The following CREBRF variants were observed in gnomAD, a reference collection of about 807,000 sequenced individuals.
CREBRF encodes the protein CREB3 regulatory factor, also known as UPF0474 protein C5orf41.
Under a neutral mutation model 66.1 loss-of-function variants are expected in CREBRF, and 5 were observed. The observed-to-expected ratio is 0.08, with a 90% CI of 0.04 to 0.16. The LOEUF is 0.16. Ranked by LOEUF, CREBRF falls within the 10% of genes least tolerant of loss-of-function variation. The pLI is 1.00. For synonymous variants in CREBRF, 229 were observed against 264.4 expected (o/e 0.87, Z 1.30); for missense variants, 531 against 744.9 (o/e 0.71, Z 3.34).
chr5:173,080,684 C>T lies in CREBRF; in HGVS notation c.-92C>T, dbSNP rs1023100117. The T allele has an allele frequency of 5.6e-5, 73 of 1,312,594 alleles. No homozygotes were observed. The Admixed American group carries it at 1.1e-3, about 19-fold the overall frequency. 81.3% of individuals were successfully genotyped at this position (1,312,594 alleles called of 1,614,324 possible). A position where few individuals can be genotyped will look rare whatever the true frequency, so the allele number is the denominator to read the frequency against. On this transcript the variant is annotated 5_prime_UTR_variant, in exon 2 of 9. Transcript: ENST00000296953. Reference sequence around the variant, plus strand: ...TGCTGTTTATTGTGGAAATCATCTTCGATCTTGGAATTGAAAGTAAAGCTG... The same window carrying T: ...TGCTGTTTATTGTGGAAATCATCTTTGATCTTGGAATTGAAAGTAAAGCTG...
chr5:173,100,078 T>TTGTGTGTGTATGTGTGTG (rs1554125223), intron 4 of CREBRF, among the ~76,000 whole-genome samples: 5 of 69,134 alleles, frequency 7.2e-5, no homozygotes, highest in African/African-American at 1.2e-4. Flanking sequence ...GGCTAATCTT[T>TTGTGTGTGTATGTGTGTG]TGTGTGTGTG....
At position 173,135,095 on chromosome 5, in the gene CREBRF, A is replaced by G. The variant is rs933121891; in HGVS notation, c.*1350A>G. 3.3e-5 allele frequency: 5 copies of G among 152,422 alleles called. No individual in the cohort carries two copies. Among genetic ancestry groups the G allele is most frequent in the African/African-American group, 1.2e-4 (5 of 41,454 alleles). 9.4% of individuals were successfully genotyped at this position (152,422 alleles called of 1,614,324 possible). ...TATGTATATATATATATGTAAAGAAAGAAAAAAGCTAAAAATATCTAATTC... is the reference window on the plus strand; with the variant it reads ...TATGTATATATATATATGTAAAGAAGGAAAAAAGCTAAAAATATCTAATTC... On this transcript the variant is annotated 3_prime_UTR_variant, in exon 9 of 9. Coordinates refer to ENST00000296953, the MANE Select transcript of CREBRF (RefSeq NM_153607.3).
chr5:173,123,053 T>C (rs994387555), intron 7 of CREBRF, 27 bp from the exon 8 acceptor site: 1 of 1,564,260 alleles, frequency 6.4e-7, no homozygotes, highest in Non-Finnish European at 8.6e-7. Context: ...TAGTGACATA[T>C]TCCAAGTGTT....
intron 8 of CREBRF, among the ~76,000 whole-genome samples, chr5:173,133,173 A>G (rs1759515407): frequency 6.6e-6 from 1 of 152,186 alleles, no homozygotes; most frequent in South Asian, 2.1e-4. Flanking sequence ...TGTATCCAGT[A>G]ATTATAAAAA....
At chr5:173,075,201 C>G (rs1431488492) in intron 1 of CREBRF, among the ~76,000 whole-genome samples, 2 of 152,162 alleles carry the variant, frequency 1.3e-5, no homozygotes, top group Non-Finnish European at 2.9e-5. Flanking sequence ...ATAATCATGA[C>G]AAACTATAAT....
chr5:173,110,990 T>A (rs1029181430), intron 6 of CREBRF, among the ~76,000 whole-genome samples: 1 of 152,176 alleles, frequency 6.6e-6, no homozygotes, highest in Non-Finnish European at 1.5e-5. Context: ...TTTTAGTAAG[T>A]CAGAGTTATT....
intron 1 of CREBRF, among the ~76,000 whole-genome samples, chr5:173,072,141 A>G (rs901812989): frequency 3.9e-5 from 6 of 152,130 alleles, no homozygotes; most frequent in African/African-American, 1.4e-4. Flanking sequence ...AGAGTCTCAC[A>G]CTGTTGCCCA....
rs1467972502 is a variant in CREBRF, at chr5:173,108,476, T to C, written c.1223-148T>C. 6.1e-6 allele frequency: 4 copies of C among 656,030 alleles called. No individual in the cohort carries two copies. The Admixed American group carries it at 9.5e-5, about 16-fold the overall frequency. 40.6% of individuals were successfully genotyped at this position (656,030 alleles called of 1,614,324 possible). A position where few individuals can be genotyped will look rare whatever the true frequency, so the allele number is the denominator to read the frequency against. ...GATTTACATATTAAAAGTTCTCTTA[T>C]AGACCTGGTTTATTATCTTTGACAT... On this transcript the variant is annotated intron_variant, in intron 4 of 8. Transcript: ENST00000296953.
chr5:173,085,349 A>T, intron 2 of CREBRF: 1 of 1,230,312 alleles, frequency 8.1e-7, no homozygotes, highest in African/African-American at 1.5e-5. Context: ...AGCAGCACAC[A>T]CCTGCGGCTC....
intron 1 of CREBRF, among the ~76,000 whole-genome samples, chr5:173,075,133 T>C (rs1757721177): frequency 6.6e-6 from 1 of 152,214 alleles, no homozygotes; most frequent in Non-Finnish European, 1.5e-5. Context: ...CCCATTGTCC[T>C]TCCTTAAAGA....
chr5:173,110,189 A>C, intron 5 of CREBRF: 1 of 375,018 alleles, frequency 2.7e-6, no homozygotes, highest in East Asian at 6.6e-5. Flanking sequence ...TGTTTAGTTG[A>C]ACTCATACTC....
chr5:173,130,673 G>A (rs373463127), intron 8 of CREBRF, among the ~76,000 whole-genome samples: 2 of 151,652 alleles, frequency 1.3e-5, no homozygotes, highest in Non-Finnish European at 2.9e-5. Context: ...ACAGATGTGC[G>A]CCACCATGTC....
intron 1 of CREBRF, among the ~76,000 whole-genome samples, chr5:173,069,143 G>T (rs1757526034): frequency 6.6e-6 from 1 of 151,962 alleles, no homozygotes; most frequent in Non-Finnish European, 1.5e-5. Flanking sequence ...AACATCCCAG[G>T]AGTATCACAT....
intron 1 of CREBRF, among the ~76,000 whole-genome samples, chr5:173,078,142 C>G (rs761282861): frequency 1.3e-5 from 2 of 152,180 alleles, no homozygotes; most frequent in African/African-American, 4.8e-5. Context: ...AATACCAAAC[C>G]GTTTCCCACA....
intron 7 of CREBRF, 104 bp from the exon 8 acceptor site, chr5:173,122,976 A>C (rs1759176822): frequency 8.7e-7 from 1 of 1,145,776 alleles, no homozygotes; most frequent in African/African-American, 1.6e-5. Context: ...TATGTGCCAC[A>C]TTTTCTTAAT....
chr5:173,088,328 C>T (rs1334772218), intron 3 of CREBRF, among the ~76,000 whole-genome samples: 3 of 110,734 alleles, frequency 2.7e-5, no homozygotes, highest in African/African-American at 7.1e-5. Context: ...AGTGCAATGG[C>T]GCAATCTAAA....
intron 7 of CREBRF, among the ~76,000 whole-genome samples, chr5:173,113,138 G>C (rs1758906443): frequency 6.6e-6 from 1 of 152,052 alleles, no homozygotes; most frequent in Non-Finnish European, 1.5e-5. Context: ...GAATACAGGA[G>C]TGCACTACCA....
At chr5:173,119,914 A>G (rs1049206359) in intron 7 of CREBRF, among the ~76,000 whole-genome samples, 1 of 152,146 alleles carries the variant, frequency 6.6e-6, no homozygotes, top group Non-Finnish European at 1.5e-5. Flanking sequence ...GGCAAATTAC[A>G]TTTGTTAATA....
rs890709211 is a variant in CREBRF at position 173,137,033 on chromosome 5, A to G, written c.*3288A>G. 1.3e-5 allele frequency: 2 copies of G among 151,670 alleles called. No individual in the cohort carries two copies. The highest frequency in any genetic ancestry group is 4.8e-5 in the African/African-American group (2 of 41,310). 9.4% of individuals were successfully genotyped at this position (151,670 alleles called of 1,614,324 possible). On this transcript the variant is annotated 3_prime_UTR_variant, in exon 9 of 9. Coordinates refer to ENST00000296953, the MANE Select transcript of CREBRF (RefSeq NM_153607.3). Reference sequence around the variant, plus strand: ...TGGATTCTTTATAGAGTTTGTCTCCATATGAAAGCATGCTGTCCAGTCGCT... The same window carrying G: ...TGGATTCTTTATAGAGTTTGTCTCCGTATGAAAGCATGCTGTCCAGTCGCT...
Sources: allele counts gnomAD v4.1 joint callset (sites outside exome capture counted in the v4.1 genomes callset), GRCh38; gene constraint gnomAD v4.1.1; transcripts MANE v1.5; gene names NCBI Gene and HGNC (gene_info 2026-07-23, HGNC 2026-07-21).